Variants in DEUP1 observed in about 807,000 individuals in gnomAD.
The protein encoded by DEUP1 is deuterosome assembly protein 1.
A neutral mutation model predicts 87.4 loss-of-function variants in DEUP1; 82 were observed. That is an observed-to-expected ratio of 0.94 (90% CI 0.78 to 1.13). The LOEUF is 1.13. Ranked by LOEUF, DEUP1 falls within the 50% of genes most tolerant of loss-of-function variation. The probability of loss-of-function intolerance (pLI) is 0.00; values close to 1 mark genes in which losing one functional copy is unlikely to be tolerated. For missense variants in DEUP1, 663 were observed against 681.5 expected, an observed-to-expected ratio of 0.97 and a Z score of 0.30; for synonymous variants, 214 against 222.7, an observed-to-expected ratio of 0.96 and a Z score of 0.35.
intron 7 of DEUP1, 32 bp from the exon 8 acceptor site, chr11:93,385,366 T>C: frequency 6.2e-7 from 1 of 1,608,330 alleles, no homozygotes; most frequent in Non-Finnish European, 8.5e-7. Flanking sequence ...TAACCAACAA[T>C]GAGCATGAAA....
chr11:93,357,768 T>C (rs1402928567), intron 4 of DEUP1, among the ~76,000 whole-genome samples: 1 of 152,190 alleles, frequency 6.6e-6, no homozygotes, highest in Non-Finnish European at 1.5e-5. Context: ...GATAATTTAA[T>C]TAAAGGAGCC....
chr11:93,354,790 A>C (rs1308370357), intron 2 of DEUP1, among the ~76,000 whole-genome samples: 3 of 152,206 alleles, frequency 2.0e-5, no homozygotes, highest in African/African-American at 7.2e-5. Flanking sequence ...GTTTCCTCCC[A>C]TAACATGTGG....
At chr11:93,369,162 A>T (rs1210525025) in intron 5 of DEUP1, among the ~76,000 whole-genome samples, 1 of 152,094 alleles carries the variant, frequency 6.6e-6, no homozygotes, top group East Asian at 1.9e-4. Context: ...AAGAGAGAGG[A>T]AACAAAATCT....
chr11:93,355,318 TGCCCTCA>T, intron 2 of DEUP1, 46 bp from the exon 3 acceptor site: 1 of 1,511,162 alleles, frequency 6.6e-7, no homozygotes, highest in African/African-American at 1.4e-5. Flanking sequence ...TAATTTTTTT[TGCCCTCA>T]CATTTCACTA....
chr11:93,409,095 G>A (rs2605577), intron 12 of DEUP1, among the ~76,000 whole-genome samples: 69,759 of 151,960 alleles, frequency 0.46, 16,590 homozygotes, highest in Admixed American at 0.61. Context: ...GACCGCAAGT[G>A]ATCCACCCAC....
chr11:93,437,755 C>G lies in DEUP1; in HGVS notation c.*36C>G. On this transcript the variant is annotated 3_prime_UTR_variant, in exon 14 of 14. Coordinates refer to ENST00000298050, the MANE Select transcript of DEUP1 (RefSeq NM_181645.4). ...TTTTTTATTTGCTTCCCCCCCCCAC[C>G]CCCGCCAAGAAAAAAAGCTCTGGCA... 9.9e-7 allele frequency: 1 copy of G among 1,012,714 alleles called. No homozygotes were observed. The highest frequency in any genetic ancestry group is 1.4e-6 in the Non-Finnish European group (1 of 696,182). The allele number at this position is 1,012,714 out of a possible 1,614,324, so 62.7% of individuals were successfully genotyped here.
At chr11:93,339,537 AC>A (rs1397951783) in intron 2 of DEUP1, among the ~76,000 whole-genome samples, 1 of 152,206 alleles carries the variant, frequency 6.6e-6, no homozygotes, top group Non-Finnish European at 1.5e-5. Context: ...TAGTCAAATT[AC>A]CCATAGAGGC....
intron 4 of DEUP1, among the ~76,000 whole-genome samples, chr11:93,363,850 GT>G (rs553162343): frequency 1.5e-3 from 224 of 151,892 alleles, no homozygotes; most frequent in African/African-American, 5.1e-3. Flanking sequence ...AAAAAAACTT[GT>G]TTTTTAAAAA....
In DEUP1 at chr11:93,396,303, AT is replaced by A; in HGVS notation, c.1307del (p.Leu436Ter). ...ENTHLKGMMG[D>X]LDPGEYMSMD... ...ACACATCTAAAAGGAATGATGGGAG[AT>A]TTAGACCCCGGAGAATACATGGTAA... On this transcript the variant is annotated frameshift_variant, in exon 11 of 14. Coordinates refer to ENST00000298050, the MANE Select transcript of DEUP1 (RefSeq NM_181645.4). LOFTEE classifies it high-confidence loss of function. The A allele has an allele frequency of 6.3e-7, 1 of 1,578,958 alleles. No individual in the cohort carries two copies. The highest frequency in any genetic ancestry group is 8.6e-7 in the Non-Finnish European group (1 of 1,160,130).
At position 93,419,884 on chromosome 11, in the gene DEUP1, TAA is replaced by T. The variant is rs140472553; in HGVS notation, c.1638+4779_1638+4780del. Among the ~76,000 whole-genome samples, 4 of 146,612 alleles carry T rather than the reference TAA, an allele frequency of 2.7e-5. No individual in the cohort carries two copies. In the South Asian group the frequency reaches 6.4e-4, roughly 24 times the overall value. ...AAATAAAATAAAATAAAATAAAAATTAAAAAAAAAACAGGCTCTGAAATTGTG... is the reference window on the plus strand; with the variant it reads ...AAATAAAATAAAATAAAATAAAAATTAAAAAAAACAGGCTCTGAAATTGTG... On this transcript the variant is annotated intron_variant, in intron 13 of 13. Transcript: ENST00000298050.
At chr11:93,353,326 G>A (rs1263342227) in intron 2 of DEUP1, among the ~76,000 whole-genome samples, 1 of 152,168 alleles carries the variant, frequency 6.6e-6, no homozygotes, top group African/African-American at 2.4e-5. Flanking sequence ...CCATAGTCTT[G>A]GGGAGCTCTG....
chr11:93,385,969 C>T (rs1168006468), intron 8 of DEUP1, among the ~76,000 whole-genome samples: 1 of 151,724 alleles, frequency 6.6e-6, no homozygotes, highest in East Asian at 1.9e-4. Flanking sequence ...GGGAGGGTCG[C>T]TTGAGCCTGG....
intron 2 of DEUP1, among the ~76,000 whole-genome samples, chr11:93,332,496 A>C (rs141190543): frequency 2.0e-5 from 3 of 152,304 alleles, no homozygotes; most frequent in Non-Finnish European, 4.4e-5. Flanking sequence ...TGCACTCAAA[A>C]ATCACTGTTT....
upstream of DEUP1, chr11:93,330,452 G>C (rs1456043255): frequency 6.5e-6 from 1 of 152,782 alleles, no homozygotes; most frequent in African/African-American, 2.4e-5. Context: ...GCGGGACAGC[G>C]AGGTCGCGCT....
At chr11:93,373,625 G>GTA (rs1555048258) in intron 7 of DEUP1, among the ~76,000 whole-genome samples, 17,561 of 66,078 alleles carry the variant, frequency 0.27, 1,341 homozygotes, top group Non-Finnish European at 0.42. Context: ...ATATATATAC[G>GTA]TATATATATA....
chr11:93,392,298 A>T (rs1008691182), intron 9 of DEUP1, among the ~76,000 whole-genome samples: 3 of 152,180 alleles, frequency 2.0e-5, no homozygotes, highest in Admixed American at 1.3e-4. Context: ...GACCCTTCCC[A>T]CAGAGGTTGC....
intron 2 of DEUP1, among the ~76,000 whole-genome samples, chr11:93,354,725 A>C (rs933903564): frequency 6.6e-6 from 1 of 152,196 alleles, no homozygotes; most frequent in African/African-American, 2.4e-5. Context: ...CTTAGTCACT[A>C]TCATGAGAAT....
chr11:93,333,670 G>T (rs1396421314), intron 2 of DEUP1, among the ~76,000 whole-genome samples: 1 of 152,224 alleles, frequency 6.6e-6, no homozygotes, highest in Non-Finnish European at 1.5e-5. Flanking sequence ...TTGAGGCTCA[G>T]AAAGGTAGAA....
chr11:93,418,603 C>G (rs904047472), intron 13 of DEUP1, among the ~76,000 whole-genome samples: 2 of 151,648 alleles, frequency 1.3e-5, no homozygotes, highest in Non-Finnish European at 2.9e-5. Flanking sequence ...ACTAGTTCAA[C>G]CATTGTGGAA....
Sources: gnomAD v4.1 joint callset for allele counts (sites outside exome capture counted in the v4.1 genomes callset) on GRCh38, gnomAD v4.1.1 for gene constraint, MANE v1.5 for transcripts, NCBI Gene and HGNC (gene_info 2026-07-23, HGNC 2026-07-21) for gene names.